Variants in FLACC1 observed in about 807,000 individuals in gnomAD.
FLACC1 encodes the protein flagellum-associated coiled-coil domain-containing protein 1.
A neutral mutation model predicts 62.8 loss-of-function variants in FLACC1; 66 were observed. That is an observed-to-expected ratio of 1.05 (90% CI 0.86 to 1.29). The LOEUF is 1.29. Among genes scored for constraint, FLACC1 ranks in the 50% most tolerant of loss-of-function variants. FLACC1 has a pLI of 0.00. For missense variants in FLACC1, 452 were observed against 489.1 expected (o/e 0.92, Z 0.71); for synonymous variants, 156 against 161.0 (o/e 0.97, Z 0.24).
At chr2:201,340,147 T>C (rs939759642) in intron 7 of FLACC1, among the ~76,000 whole-genome samples, 2 of 152,224 alleles carry the variant, frequency 1.3e-5, no homozygotes, top group African/African-American at 4.8e-5. Flanking sequence ...GAGTCTCTTG[T>C]AGGCAGCGTA....
intron 4 of FLACC1, among the ~76,000 whole-genome samples, chr2:201,347,765 C>CA (rs1950945981): frequency 6.6e-6 from 1 of 152,200 alleles, no homozygotes; most frequent in African/African-American, 2.4e-5. Flanking sequence ...TGCGTCAGAC[C>CA]AGTAAAGGCT....
chr2:201,353,622 C>T (rs565524356), intron 1 of FLACC1, among the ~76,000 whole-genome samples: 2 of 152,210 alleles, frequency 1.3e-5, no homozygotes, highest in South Asian at 4.1e-4. Flanking sequence ...GAGTCTCACT[C>T]TGTCACCCAG....
chr2:201,298,133 T>A (rs1281950202), intron 12 of FLACC1, among the ~76,000 whole-genome samples: 2 of 152,156 alleles, frequency 1.3e-5, no homozygotes. Context: ...AGGCTGGGAA[T>A]AGTTCATGGT....
chr2:201,360,107 A>G (rs1024365539), upstream of FLACC1, among the ~76,000 whole-genome samples: 1 of 152,186 alleles, frequency 6.6e-6, no homozygotes, highest in African/African-American at 2.4e-5. Flanking sequence ...CTTTTTGGAC[A>G]TGAGTAAAGC....
upstream of FLACC1, among the ~76,000 whole-genome samples, chr2:201,358,433 T>C (rs1951151231): frequency 9.2e-6 from 1 of 108,256 alleles, no homozygotes; most frequent in South Asian, 3.4e-4. Context: ...TTTTTTTTTT[T>C]TGAGACGGAG....
At chr2:201,348,204 T>C (rs768885601) in intron 4 of FLACC1, 50 bp downstream of exon 4, 10 of 1,565,686 alleles carry the variant, frequency 6.4e-6, no homozygotes, top group Non-Finnish European at 8.8e-6. Flanking sequence ...TTGCACATAG[T>C]AGGCACTCAA....
intron 7 of FLACC1, 47 bp from the exon 8 acceptor site, chr2:201,330,880 C>A: frequency 6.6e-7 from 1 of 1,515,440 alleles, no homozygotes; most frequent in Non-Finnish European, 9.0e-7. Context: ...AAAAGAAGTC[C>A]AGAGCTGAGC....
At chr2:201,337,842 C>T (rs1470772280) in intron 7 of FLACC1, among the ~76,000 whole-genome samples, 1 of 152,200 alleles carries the variant, frequency 6.6e-6, no homozygotes, top group Non-Finnish European at 1.5e-5. Context: ...ATTTTGAAGT[C>T]AGGTAATGTG....
chr2:201,315,000 A>C (rs981315762), intron 9 of FLACC1, among the ~76,000 whole-genome samples: 1 of 152,198 alleles, frequency 6.6e-6, no homozygotes, highest in South Asian at 2.1e-4. Flanking sequence ...AGAACTTGCC[A>C]CTACCAAGGC....
At chr2:201,319,641 T>C (rs1382310415) in intron 9 of FLACC1, among the ~76,000 whole-genome samples, 6 of 152,164 alleles carry the variant, frequency 3.9e-5, no homozygotes, top group Non-Finnish European at 8.8e-5. Flanking sequence ...CCAGAATCTA[T>C]AAGTAACTTA....
chr2:201,338,658 T>C (rs573524684), intron 7 of FLACC1, among the ~76,000 whole-genome samples: 2 of 152,330 alleles, frequency 1.3e-5, no homozygotes, highest in East Asian at 3.9e-4. Context: ...CTGCATCTAT[T>C]GGGATGATCA....
chr2:201,327,108 T>C (rs973931507), intron 9 of FLACC1, among the ~76,000 whole-genome samples: 4 of 152,200 alleles, frequency 2.6e-5, no homozygotes, highest in East Asian at 3.9e-4. Context: ...GCTGGGAGAA[T>C]GGGCAAGCCA....
rs1951135657 is a variant in FLACC1 at position 201,357,284 on chromosome 2, A to C, written c.-350T>G. ...GTTGAAGTTTCTCAGTATTGCAATGAAATTAAACTAGAGGAGAAGGTCACC... is the reference window on the plus strand; with the variant it reads ...GTTGAAGTTTCTCAGTATTGCAATGCAATTAAACTAGAGGAGAAGGTCACC... On this transcript the variant is annotated 5_prime_UTR_variant, in exon 1 of 15. Coordinates refer to ENST00000392257, the MANE Select transcript of FLACC1 (RefSeq NM_001127391.3). 6.6e-6 allele frequency: 1 copy of C among 152,244 alleles called. No homozygotes were observed. 9.4% of individuals were successfully genotyped at this position (152,244 alleles called of 1,614,324 possible).
At chr2:201,356,754 AC>A (rs1186753255) in intron 1 of FLACC1, among the ~76,000 whole-genome samples, 1 of 152,216 alleles carries the variant, frequency 6.6e-6, no homozygotes, top group African/African-American at 2.4e-5. Flanking sequence ...ATCTGCATTT[AC>A]AGTGGCTTGA....
chr2:201,342,254 T>G, intron 7 of FLACC1, 116 bp downstream of exon 7: 1 of 996,148 alleles, frequency 1.0e-6, no homozygotes. Flanking sequence ...TCCCCCACCC[T>G]TCATCCCCCA....
At chr2:201,347,141 TG>T (rs1195755587) in intron 4 of FLACC1, among the ~76,000 whole-genome samples, 1 of 123,926 alleles carries the variant, frequency 8.1e-6, no homozygotes, top group Non-Finnish European at 1.9e-5. Flanking sequence ...AAACAACATA[TG>T]AGAAAATGAC....
chr2:201,322,440 A>T (rs887741966), intron 9 of FLACC1, among the ~76,000 whole-genome samples: 1 of 151,738 alleles, frequency 6.6e-6, no homozygotes, highest in Non-Finnish European at 1.5e-5. Flanking sequence ...AAAGCCACAT[A>T]AAAAAACTCT....
At chr2:201,298,264 A>G (rs1365974407) in intron 12 of FLACC1, among the ~76,000 whole-genome samples, 1 of 152,218 alleles carries the variant, frequency 6.6e-6, no homozygotes, top group Non-Finnish European at 1.5e-5. Context: ...AGTTCTGCCC[A>G]ACGAAGCTTA....
In FLACC1 at chr2:201,342,355, T is replaced by C; in HGVS notation, c.524+15A>G. On this transcript the variant is annotated intron_variant, in intron 7 of 14. Coordinates refer to ENST00000392257, the MANE Select transcript of FLACC1 (RefSeq NM_001127391.3). ...AGCCATCAACACACACAAGGGTCCA[T>C]GCCAGAAAGTGTACCTGTTCTTGTT... 1 of 1,613,974 alleles carries C rather than the reference T, an allele frequency of 6.2e-7. No homozygotes were observed. The highest frequency in any genetic ancestry group is 1.1e-5 in the South Asian group (1 of 91,072).
Sources: gnomAD v4.1 joint callset for allele counts (sites outside exome capture counted in the v4.1 genomes callset) on GRCh38, gnomAD v4.1.1 for gene constraint, MANE v1.5 for transcripts, NCBI Gene and HGNC (gene_info 2026-07-23, HGNC 2026-07-21) for gene names.